The following DYNLRB1 variants were observed in gnomAD, a reference collection of about 807,000 sequenced individuals.
The protein encoded by DYNLRB1 is dynein light chain roadblock-type 1, also known as ROBL/LC7-like 1.
A neutral mutation model predicts 13.5 loss-of-function variants in DYNLRB1; 6 were observed. The observed-to-expected ratio is 0.44, with a 90% CI of 0.24 to 0.88. The LOEUF is 0.88. Ranked by LOEUF, DYNLRB1 falls within the 40% of genes least tolerant of loss-of-function variation. DYNLRB1 has a pLI of 0.21. For missense variants in DYNLRB1, 93 were observed against 127.2 expected, an observed-to-expected ratio of 0.73 and a Z score of 1.29; for synonymous variants, 43 against 45.0, an observed-to-expected ratio of 0.96 and a Z score of 0.18.
chr20:34,540,440 G>A (rs1185573692), intron 3 of DYNLRB1, 141 bp from the exon 4 acceptor site: 1 of 770,950 alleles, frequency 1.3e-6, no homozygotes, highest in African/African-American at 1.8e-5. Context: ...CCAGCATTTG[G>A]AGATGCTGAA....
intron 2 of DYNLRB1, 96 bp from the exon 3 acceptor site, chr20:34,534,532 G>A: frequency 1.4e-6 from 2 of 1,430,604 alleles, no homozygotes; most frequent in South Asian, 1.4e-5. Context: ...CATTGACTGA[G>A]AACTGCTATT....
At chr20:34,526,186 A>G in intron 1 of DYNLRB1, 82 bp from the exon 2 acceptor site, 1 of 1,470,362 alleles carries the variant, frequency 6.8e-7, no homozygotes, top group African/African-American at 1.4e-5. Context: ...TGGAAGACAA[A>G]CGTATGATTC....
At chr20:34,516,491 C>A in intron 1 of DYNLRB1, 30 bp downstream of exon 1, 1 of 1,600,498 alleles carries the variant, frequency 6.2e-7, no homozygotes, top group Non-Finnish European at 8.5e-7. Flanking sequence ...TTGTGGCTGG[C>A]GGCCGCCCAC....
intron 3 of DYNLRB1, among the ~76,000 whole-genome samples, chr20:34,538,626 A>G (rs1339286897): frequency 1.3e-5 from 2 of 152,018 alleles, no homozygotes; most frequent in Non-Finnish European, 2.9e-5. Flanking sequence ...GATTGTGCCT[A>G]TTTTTATCAG....
At chr20:34,538,785 A>G (rs1342061233) in intron 3 of DYNLRB1, among the ~76,000 whole-genome samples, 1 of 152,220 alleles carries the variant, frequency 6.6e-6, no homozygotes, top group East Asian at 1.9e-4. Context: ...TTGGCTCTGA[A>G]CAGCCACAAA....
At chr20:34,515,822 G>C (rs1254768582), upstream of DYNLRB1, among the ~76,000 whole-genome samples, 1 of 152,078 alleles carries the variant, frequency 6.6e-6, no homozygotes, top group Admixed American at 6.5e-5. Flanking sequence ...CCTCCATTGA[G>C]AGCTGAAAGC....
chr20:34,525,702 C>G (rs1047034932), intron 1 of DYNLRB1, among the ~76,000 whole-genome samples: 3 of 152,134 alleles, frequency 2.0e-5, no homozygotes, highest in African/African-American at 7.2e-5. Context: ...CTTACAGATG[C>G]CATATGCAAG....
At chr20:34,526,210 A>G in intron 1 of DYNLRB1, 58 bp from the exon 2 acceptor site, 3 of 1,567,182 alleles carry the variant, frequency 1.9e-6, no homozygotes, top group Middle Eastern at 1.7e-4. Flanking sequence ...TGCCTGGGGT[A>G]TGAGGAAGTT....
At chr20:34,529,729 CAAA>C (rs111373342) in intron 2 of DYNLRB1, 1,004 of 798,562 alleles carry the variant, frequency 1.3e-3, no homozygotes, top group South Asian at 2.0e-3. Context: ...AACTCGGTCT[CAAA>C]AAAAAAAAAA....
intron 1 of DYNLRB1, among the ~76,000 whole-genome samples, chr20:34,523,860 G>A (rs2146622957): frequency 6.6e-6 from 1 of 152,324 alleles, no homozygotes; most frequent in African/African-American, 2.4e-5. Flanking sequence ...GTTACTAAAT[G>A]AATAGCAGTC....
At chr20:34,534,530 G>A (rs1980969744) in intron 2 of DYNLRB1, 98 bp from the exon 3 acceptor site, 2 of 1,423,374 alleles carry the variant, frequency 1.4e-6, no homozygotes, top group Non-Finnish European at 9.4e-7. Context: ...GGCATTGACT[G>A]AGAACTGCTA....
intron 3 of DYNLRB1, among the ~76,000 whole-genome samples, chr20:34,538,176 C>T (rs1398054297): frequency 6.7e-6 from 1 of 148,182 alleles, no homozygotes; most frequent in Non-Finnish European, 1.5e-5. Flanking sequence ...CTATGTTGCC[C>T]AGGCTGGTGT....
At chr20:34,529,874 CTG>C in intron 2 of DYNLRB1, 2 of 1,529,246 alleles carry the variant, frequency 1.3e-6, no homozygotes, top group Non-Finnish European at 1.8e-6. Flanking sequence ...CCTTGGGACA[CTG>C]TGGAGACAGG....
At chr20:34,530,774 ATC>A (rs1980653838) in intron 2 of DYNLRB1, 1 of 152,090 alleles carries the variant, frequency 6.6e-6, no homozygotes, top group South Asian at 2.1e-4. Context: ...GATGCCTATG[ATC>A]TTATCTAGGG....
At chr20:34,523,729 T>C (rs946542362) in intron 1 of DYNLRB1, among the ~76,000 whole-genome samples, 10 of 152,238 alleles carry the variant, frequency 6.6e-5, no homozygotes, top group Non-Finnish European at 1.5e-4. Context: ...TACTTCTTTT[T>C]GCTTATTTAA....
At chr20:34,533,664 C>A in intron 2 of DYNLRB1, 1 of 247,798 alleles carries the variant, frequency 4.0e-6, no homozygotes, top group Non-Finnish European at 6.4e-6. Flanking sequence ...TCTAAAAATA[C>A]AAAAATCAGC....
intron 3 of DYNLRB1, chr20:34,535,094 G>A (rs1981038979): frequency 1.0e-6 from 1 of 985,284 alleles, no homozygotes; most frequent in Non-Finnish European, 1.2e-6. Flanking sequence ...GGACATAGAG[G>A]AGGGTGTGGC....
intron 2 of DYNLRB1, among the ~76,000 whole-genome samples, chr20:34,529,124 G>A (rs1399609385): frequency 2.0e-5 from 3 of 152,334 alleles, no homozygotes; most frequent in South Asian, 4.1e-4. Flanking sequence ...TCACATGTCT[G>A]GTGTGCTGCC....
At chr20:34,538,933 T>C (rs1168345968) in intron 3 of DYNLRB1, among the ~76,000 whole-genome samples, 1 of 152,246 alleles carries the variant, frequency 6.6e-6, no homozygotes, top group Non-Finnish European at 1.5e-5. Flanking sequence ...GCAAGCCCTT[T>C]AACTCTCTGA....
Sources: gnomAD v4.1 joint callset for allele counts (sites outside exome capture counted in the v4.1 genomes callset) on GRCh38, gnomAD v4.1.1 for gene constraint, MANE v1.5 for transcripts, NCBI Gene and HGNC (gene_info 2026-07-23, HGNC 2026-07-21) for gene names.